The following GLS2 variants were observed in gnomAD, a reference collection of about 807,000 sequenced individuals.
GLS2 encodes the protein glutaminase liver isoform, mitochondrial.
Under a neutral mutation model 79.0 loss-of-function variants are expected in GLS2, and 52 were observed. That is an observed-to-expected ratio of 0.66 (90% confidence interval 0.53 to 0.83). The LOEUF is 0.83. Among genes scored for constraint, GLS2 ranks in the 40% least tolerant of loss-of-function variants. The pLI is 0.00. For missense variants in GLS2, 561 were observed against 764.8 expected (o/e 0.73, Z 3.14); for synonymous variants, 238 against 280.8 (o/e 0.85, Z 1.52).
intron 3 of GLS2, 121 bp downstream of exon 3, chr12:56,479,659 A>G: frequency 8.5e-7 from 1 of 1,176,286 alleles, no homozygotes; most frequent in Non-Finnish European, 1.1e-6. Flanking sequence ...AACTTATGTA[A>G]TAAGTAATAA....
At chr12:56,479,246 A>G in intron 3 of GLS2, 65 bp from the exon 4 acceptor site, 5 of 1,580,352 alleles carry the variant, frequency 3.2e-6, no homozygotes, top group Non-Finnish European at 4.3e-6. Flanking sequence ...CTCTGGAGCC[A>G]CGGAAATTGG....
At chr12:56,481,199 C>CTTTTTTTTTT (rs767616017) in intron 1 of GLS2, among the ~76,000 whole-genome samples, 1 of 78,986 alleles carries the variant, frequency 1.3e-5, no homozygotes, top group Non-Finnish European at 2.3e-5. Flanking sequence ...TGCCAGTGAT[C>CTTTTTTTTTT]TTTTTTTTTT....
At chr12:56,472,522 T>C (rs970953563) in intron 15 of GLS2, 168 bp downstream of exon 15, 8 of 639,330 alleles carry the variant, frequency 1.3e-5, no homozygotes, top group African/African-American at 3.7e-5. Context: ...GCAGACAGTT[T>C]ACTTTTTTTA....
chr12:56,481,396 C>CG (rs1334233277), intron 1 of GLS2, among the ~76,000 whole-genome samples: 1 of 150,598 alleles, frequency 6.6e-6, no homozygotes, highest in Non-Finnish European at 1.5e-5. Flanking sequence ...TTAGTAGAGA[C>CG]GGGGTTTCAC....
Position 56,471,893 on chromosome 12 carries a change from A to G in GLS2, c.1589-57T>C, listed in dbSNP as rs535451859. 5.1e-6 allele frequency: 8 copies of G among 1,562,052 alleles called. No individual in the cohort carries two copies. In the African/African-American group the frequency reaches 9.5e-5, roughly 18 times the overall value. ...GCGCAGGTCTTGAACCCTTTGGTGC[A>G]GACACTTAGCCACTGAAGTCTTTAC... On this transcript the variant is annotated intron_variant, in intron 16 of 17. Transcript: ENST00000311966.
chr12:56,479,224 A>G (rs968359697), intron 3 of GLS2, 43 bp from the exon 4 acceptor site: 16 of 1,605,398 alleles, frequency 1.0e-5, no homozygotes, highest in Non-Finnish European at 1.4e-5. Flanking sequence ...AGAGAAATGC[A>G]GCTGGGACTC....
chr12:56,479,148 C>G lies in GLS2; in HGVS notation c.438G>C (p.Gln146His). 6 of 1,614,026 alleles carry G rather than the reference C, an allele frequency of 3.7e-6. No individual in the cohort carries two copies. Among genetic ancestry groups the G allele is most frequent in the Non-Finnish European group, 5.1e-6 (6 of 1,180,028 alleles). The change falls in exon 4 of 18, where the codon CAG becomes CAC. Residue 146 changes from glutamine to histidine, a missense_variant. Physicochemically the swap from Gln to His is conservative, Grantham distance 24. Coordinates refer to ENST00000311966, the MANE Select transcript of GLS2 (RefSeq NM_013267.4). ...GAATGACAAACTTCTTTCGGAATGC[C>G]TGGGTCAGGAGCACAATGTTGCTGC... is the stretch of plus-strand genomic sequence containing the variant. Reference protein sequence around the residue: ...CVSSNIVLLTQAFRKKFVIPD... With the variant: ...CVSSNIVLLTHAFRKKFVIPD...
chr12:56,471,598 C>T lies in GLS2; in HGVS notation c.1698G>A (p.Leu566=). The T allele has an allele frequency of 2.5e-6, 4 of 1,614,102 alleles. No individual in the cohort carries two copies. Among genetic ancestry groups the T allele is most frequent in the Non-Finnish European group, 3.4e-6 (4 of 1,180,004 alleles). The change falls in exon 18 of 18, where the codon CTG becomes CTA. Residue 566 remains leucine (L), a synonymous_variant. Transcript: ENST00000311966. ...AATCTTGAAGCAGTTTGACCACCTCCAGATGGTTGAACTGCACAGCATCAT... is the reference window on the plus strand; with the variant it reads ...AATCTTGAAGCAGTTTGACCACCTCTAGATGGTTGAACTGCACAGCATCAT... ...PLDDAVQFNH[L]EVVKLLQDYQ... is the part of the protein sequence containing the mutation.
chr12:56,471,974 TA>T (rs1869316874), intron 16 of GLS2, 138 bp from the exon 17 acceptor site: 1 of 1,261,052 alleles, frequency 7.9e-7, no homozygotes, highest in African/African-American at 1.5e-5. Context: ...CACTCAGTCA[TA>T]GTCTAGCTGC....
intron 1 of GLS2, among the ~76,000 whole-genome samples, chr12:56,481,199 CTTTT>C (rs767616017): frequency 2.5e-5 from 2 of 78,986 alleles, no homozygotes; most frequent in Non-Finnish European, 4.6e-5. Context: ...TGCCAGTGAT[CTTTT>C]TTTTTTTTTT....
rs1870432868 is a variant in GLS2, at chr12:56,483,163, C to T, written c.183-2776G>A. Among the ~76,000 whole-genome samples, 4 of 150,578 alleles carry T rather than the reference C, an allele frequency of 2.7e-5. No homozygotes were observed. The South Asian group carries it at 8.4e-4, about 32-fold the overall frequency. On this transcript the variant is annotated intron_variant, in intron 1 of 17. Coordinates refer to ENST00000311966, the MANE Select transcript of GLS2 (RefSeq NM_013267.4). ...TGGTGTGATCTCGGCTCACTGTAGCCTCTGCCTCCTGGGTTCAAGTGATTC... is the reference window on the plus strand; with the variant it reads ...TGGTGTGATCTCGGCTCACTGTAGCTTCTGCCTCCTGGGTTCAAGTGATTC...
rs1592271053 is a variant in GLS2, at chr12:56,471,633, T to C, written c.1663A>G (p.Ile555Val). 1 of 1,614,118 alleles carries C rather than the reference T, an allele frequency of 6.2e-7. No individual in the cohort carries two copies. Among genetic ancestry groups the C allele is most frequent in the Non-Finnish European group, 8.5e-7 (1 of 1,180,006 alleles). Residue 555 changes from isoleucine (I) to valine (V), a missense_variant, in exon 18 of 18, where the codon ATT becomes GTT. By Grantham distance (29) the Ile-to-Val change is conservative. This residue lies in a region of GLS2 where 136 missense variants were observed against 228.6 expected (regional missense o/e 0.59). Transcript: ENST00000311966. ...AACTGCACAGCATCATCCAGGGGAA[T>C]GTTGCCCCACCTGAGAGGAATAATG... Reference protein sequence around the residue: ...NPFAKDRWGNIPLDDAVQFNH... With the variant: ...NPFAKDRWGNVPLDDAVQFNH...
At chr12:56,478,762 G>C (rs1297340307) in intron 4 of GLS2, 1 of 305,172 alleles carries the variant, frequency 3.3e-6, no homozygotes, top group African/African-American at 2.2e-5. Context: ...GGAGGCCGAG[G>C]TGGGTGGATC....
intron 2 of GLS2, 83 bp from the exon 3 acceptor site, chr12:56,479,984 T>C: frequency 6.5e-7 from 1 of 1,534,224 alleles, no homozygotes; most frequent in Admixed American, 1.9e-5. Flanking sequence ...GGATACCCAA[T>C]TAGCTGAACC....
intron 6 of GLS2, 102 bp from the exon 7 acceptor site, chr12:56,477,820 G>A: frequency 2.0e-6 from 3 of 1,534,458 alleles, no homozygotes; most frequent in Non-Finnish European, 2.7e-6. Flanking sequence ...TAGGGAGAAA[G>A]GCATGACAGG....
intron 1 of GLS2, among the ~76,000 whole-genome samples, chr12:56,482,340 C>G (rs1870364318): frequency 6.6e-6 from 1 of 152,176 alleles, no homozygotes; most frequent in Non-Finnish European, 1.5e-5. Flanking sequence ...CCAAAATGGG[C>G]CAGGAACTGT....
rs1048663719 is a variant in GLS2 at position 56,472,023 on chromosome 12, C to T, written c.1588+96G>A. ...GTCTAGATAAAACTAGTTGCTGCCC[C>T]TATAACCTTGAGGGCACATATAATG... On this transcript the variant is annotated intron_variant, in intron 16 of 17. Transcript: ENST00000311966. 11 of 1,408,306 alleles carry T rather than the reference C, an allele frequency of 7.8e-6. No individual in the cohort carries two copies. In the African/African-American group the frequency reaches 9.9e-5, roughly 13 times the overall value. 87.2% of individuals were successfully genotyped at this position (1,408,306 alleles called of 1,614,324 possible). A position where few individuals can be genotyped will look rare whatever the true frequency, so the allele number is the denominator to read the frequency against.
intron 1 of GLS2, among the ~76,000 whole-genome samples, chr12:56,483,511 G>A (rs1870462372): frequency 6.6e-6 from 1 of 152,166 alleles, no homozygotes; most frequent in South Asian, 2.1e-4. Context: ...TGTGCTCTAA[G>A]AATTGATATG....
rs539511343 is a variant in GLS2, at chr12:56,471,939, C to G, written c.1589-103G>C. ...TTTACCAAGAGGGGAGGGGAAAAGGCCTCTTCCCATTTTGTACCCTGCAGC... is the reference window on the plus strand; with the variant it reads ...TTTACCAAGAGGGGAGGGGAAAAGGGCTCTTCCCATTTTGTACCCTGCAGC... On this transcript the variant is annotated intron_variant, in intron 16 of 17. Transcript: ENST00000311966. The G allele has an allele frequency of 4.4e-5, 60 of 1,359,878 alleles. No homozygotes were observed. In the African/African-American group the frequency reaches 7.7e-4, roughly 18 times the overall value. 84.2% of individuals were successfully genotyped at this position (1,359,878 alleles called of 1,614,324 possible). A position where few individuals can be genotyped will look rare whatever the true frequency, so the allele number is the denominator to read the frequency against.
Sources: gnomAD v4.1 joint callset for allele counts (sites outside exome capture counted in the v4.1 genomes callset) on GRCh38, gnomAD v4.1.1 for gene constraint, gnomAD v4.1.1 regional missense constraint, MANE v1.5 for transcripts, NCBI Gene and HGNC (gene_info 2026-07-23, HGNC 2026-07-21) for gene names.